The following ADIRF variants were observed in gnomAD, a reference collection of about 807,000 sequenced individuals.
The protein encoded by ADIRF is adipogenesis regulatory factor.
In ADIRF, 9 loss-of-function variants were observed where a neutral mutation model predicts 7.8. The observed-to-expected ratio is 1.15, with a 90% confidence interval of 0.70 to 2.01. The LOEUF is 2.01. Ranked by LOEUF, ADIRF falls within the 30% of genes most tolerant of loss-of-function variation. ADIRF has a pLI of 0.00. For synonymous variants in ADIRF, 48 were observed against 39.9 expected (o/e 1.20, Z -0.77); for missense variants, 106 against 98.1 (o/e 1.08, Z -0.34).
In ADIRF at chr10:86,970,637, C is replaced by G; in HGVS notation, c.*55C>G. The G allele has an allele frequency of 6.9e-7, 1 of 1,454,818 alleles. No homozygotes were observed. The highest frequency in any genetic ancestry group is 9.5e-7 in the Non-Finnish European group (1 of 1,054,506). The allele number at this position is 1,454,818 out of a possible 1,614,324, so 90.1% of individuals were successfully genotyped here. On this transcript the variant is annotated 3_prime_UTR_variant, in exon 3 of 3. Coordinates refer to ENST00000372013, the MANE Select transcript of ADIRF (RefSeq NM_006829.3). ...AATGACAGCAGGGAGACTTGGGTGA[C>G]CCCCCTTCCAGGCGCCATCTAGCAC...
At chr10:86,970,175 TA>T (rs1345824551) in intron 1 of ADIRF, 24 bp from the exon 2 acceptor site, 2 of 1,435,292 alleles carry the variant, frequency 1.4e-6, no homozygotes, top group Admixed American at 5.8e-5. Flanking sequence ...CAACAGGGGC[TA>T]AAAGCCACAT....
chr10:86,968,816 G>C (rs1039345713), intron 1 of ADIRF: 2 of 546,246 alleles, frequency 3.7e-6, no homozygotes, highest in African/African-American at 4.0e-5. Context: ...CAGAGGCTCC[G>C]GAGGAGCCGG....
intron 1 of ADIRF, 156 bp from the exon 2 acceptor site, chr10:86,970,044 T>C (rs567122653): frequency 1.2e-5 from 7 of 593,766 alleles, no homozygotes; most frequent in African/African-American, 1.1e-4. Context: ...CCCCTCGGGC[T>C]GGGGGGCCCT....
chr10:86,970,749 G>A lies in ADIRF; in HGVS notation c.*167G>A. ...CGTTCCCACCCTGTGTCCACTTCAT[G>A]ATTCCTCGCAAGCTGGGCCCAGTCC... On this transcript the variant is annotated 3_prime_UTR_variant, in exon 3 of 3. Transcript: ENST00000372013. The A allele has an allele frequency of 2.9e-6, 2 of 698,218 alleles. No homozygotes were observed. Among genetic ancestry groups the A allele is most frequent in the Non-Finnish European group, 5.2e-6 (2 of 385,518 alleles). The allele number at this position is 698,218 out of a possible 1,614,324, so 43.3% of individuals were successfully genotyped here.
chr10:86,970,040 G>A (rs548872092), intron 1 of ADIRF, 160 bp from the exon 2 acceptor site: 31 of 558,354 alleles, frequency 5.6e-5, no homozygotes, highest in East Asian at 2.4e-4. Context: ...CCTGCCCCTC[G>A]GGCTGGGGGG....
At chr10:86,968,754 G>A in intron 1 of ADIRF, 149 bp downstream of exon 1, 1 of 824,426 alleles carries the variant, frequency 1.2e-6, no homozygotes, top group Non-Finnish European at 1.8e-6. Context: ...GGGGCAGGCA[G>A]AACGCCCACC....
At chr10:86,970,429 G>A (rs1347733326) in intron 2 of ADIRF, 47 bp from the exon 3 acceptor site, 2 of 1,560,486 alleles carry the variant, frequency 1.3e-6, no homozygotes, top group African/African-American at 2.7e-5. Flanking sequence ...CAGGCACTGT[G>A]GTTCCCGGGC....
Position 86,970,660 on chromosome 10 carries a change from C to A in ADIRF, c.*78C>A. 8.2e-7 allele frequency: 1 copy of A among 1,226,932 alleles called. No individual in the cohort carries two copies. Among genetic ancestry groups the A allele is most frequent in the Non-Finnish European group, 1.2e-6 (1 of 850,416 alleles). 76.0% of individuals were successfully genotyped at this position (1,226,932 alleles called of 1,614,324 possible). On this transcript the variant is annotated 3_prime_UTR_variant, in exon 3 of 3. Transcript: ENST00000372013. ...GACCCCCCTTCCAGGCGCCATCTAG[C>A]ACAGCCTGGCCCTGATCTCCGGGCA...
Position 86,970,464 on chromosome 10 carries a change from G to C in ADIRF, c.125-12G>C, listed in dbSNP as rs748482571. The C allele has an allele frequency of 6.2e-7, 1 of 1,608,780 alleles. No individual in the cohort carries two copies. The highest frequency in any genetic ancestry group is 1.7e-5 in the Admixed American group (1 of 59,450). The stretch of plus-strand genomic sequence containing the variant: ...CCCTGCCTGACCTGCCCTCTCTCCC[G>C]CCCTTCCCCAGCCATGGACCAGCTG... On this transcript the variant is annotated splice_polypyrimidine_tract_variant and intron_variant, in intron 2 of 2. Coordinates refer to ENST00000372013, the MANE Select transcript of ADIRF (RefSeq NM_006829.3).
rs779522585 is a variant in ADIRF, at chr10:86,970,240, G to C, written c.102G>C (p.Gln34His). The change falls in exon 2 of 3, where the codon CAG becomes CAC. Residue 34 changes from glutamine (Q) to histidine (H), a missense_variant. Gln to His is a conservative substitution (Grantham distance 24). Transcript: ENST00000372013. ...CGGCAGCTCAGCAAGTGGTGGACCAGGCCACAGAGGCGGGGCAGAAAGGTC... is the reference window on the plus strand; with the variant it reads ...CGGCAGCTCAGCAAGTGGTGGACCACGCCACAGAGGCGGGGCAGAAAGGTC... ...AGAAAQQVVD[Q>H]ATEAGQKAMD... The C allele has an allele frequency of 2.7e-6, 4 of 1,461,986 alleles. No homozygotes were observed. The highest frequency in any genetic ancestry group is 5.5e-5 in the Admixed American group (2 of 36,610). 90.6% of individuals were successfully genotyped at this position (1,461,986 alleles called of 1,614,324 possible). A position where few individuals can be genotyped will look rare whatever the true frequency, so the allele number is the denominator to read the frequency against.
At position 86,970,854 on chromosome 10, in the gene ADIRF, T is replaced by G. The variant is rs530079518; in HGVS notation, c.*272T>G. On this transcript the variant is annotated 3_prime_UTR_variant, in exon 3 of 3. Coordinates refer to ENST00000372013, the MANE Select transcript of ADIRF (RefSeq NM_006829.3). ...AAATCCAATCCAACGGTCTCAGGAATGTTTTCCATCCCGCCACGCGCCTCC... is the reference window on the plus strand; with the variant it reads ...AAATCCAATCCAACGGTCTCAGGAAGGTTTTCCATCCCGCCACGCGCCTCC... The G allele has an allele frequency of 1.5e-5, 8 of 526,802 alleles. No individual in the cohort carries two copies. Among genetic ancestry groups the G allele is most frequent in the South Asian group, 1.2e-4 (8 of 65,138 alleles). The allele number at this position is 526,802 out of a possible 1,614,324, so 32.6% of individuals were successfully genotyped here.
At position 86,970,903 on chromosome 10, in the gene ADIRF, A is replaced by G; in HGVS notation, c.*321A>G. ...CCCGAAGCTCCCAGACCGGAGGCTC[A>G]GCCCCCATCTCGGTTAGTGCCCCTC... On this transcript the variant is annotated 3_prime_UTR_variant, in exon 3 of 3. Transcript: ENST00000372013. 2.2e-6 allele frequency: 1 copy of G among 449,220 alleles called. No individual in the cohort carries two copies. The highest frequency in any genetic ancestry group is 2.4e-5 in the Admixed American group (1 of 41,834). The allele number at this position is 449,220 out of a possible 1,614,324, so 27.8% of individuals were successfully genotyped here. A position where few individuals can be genotyped will look rare whatever the true frequency, so the allele number is the denominator to read the frequency against.
chr10:86,970,349 C>T (rs2279602), intron 2 of ADIRF, 87 bp downstream of exon 2: 809,478 of 1,507,712 alleles, frequency 0.54, 222,165 homozygotes, highest in East Asian at 0.79. Context: ...CACATCCTCT[C>T]CTCTGCAGAG....
At position 86,968,521 on chromosome 10, in the gene ADIRF, C is replaced by G. The variant is rs781226498; in HGVS notation, c.-24C>G. 1.5e-5 allele frequency: 25 copies of G among 1,613,024 alleles called. No individual in the cohort carries two copies. The Middle Eastern group carries it at 8.2e-4, about 53-fold the overall frequency. ...CCAACGTCGCTCCAGCTGCTCTTGA[C>G]GACTCCACAGATACCCCGAAGCCAT... On this transcript the variant is annotated 5_prime_UTR_variant, in exon 1 of 3. Coordinates refer to ENST00000372013, the MANE Select transcript of ADIRF (RefSeq NM_006829.3).
chr10:86,970,634 T>TC lies in ADIRF; in HGVS notation c.*52_*53insC. The TC allele has an allele frequency of 2.7e-6, 4 of 1,472,796 alleles. No homozygotes were observed. The highest frequency in any genetic ancestry group is 2.4e-5 in the South Asian group (2 of 83,446). 91.2% of individuals were successfully genotyped at this position (1,472,796 alleles called of 1,614,324 possible). ...TGAAATGACAGCAGGGAGACTTGGG[T>TC]GACCCCCCTTCCAGGCGCCATCTAG... is the stretch of plus-strand genomic sequence containing the variant. On this transcript the variant is annotated 3_prime_UTR_variant, in exon 3 of 3. Coordinates refer to ENST00000372013, the MANE Select transcript of ADIRF (RefSeq NM_006829.3).
At chr10:86,969,961 TCCTCCC>T in intron 1 of ADIRF, 1 of 348,140 alleles carries the variant, frequency 2.9e-6, no homozygotes, top group East Asian at 4.3e-5. Context: ...AAAGGGAAGC[TCCTCCC>T]CCACAGAGAA....
chr10:86,968,780 A>C, intron 1 of ADIRF, 175 bp downstream of exon 1: 1 of 650,154 alleles, frequency 1.5e-6, no homozygotes. Flanking sequence ...GAGCAGACAG[A>C]TGGTGCCCGC....
intron 1 of ADIRF, chr10:86,969,050 C>A (rs77445697): frequency 6.1e-6 from 1 of 164,878 alleles, no homozygotes. Flanking sequence ...ACCTTTAAGT[C>A]CCCACCTGGC....
chr10:86,970,017 C>A (rs1844551709), intron 1 of ADIRF, 183 bp from the exon 2 acceptor site: 2 of 440,166 alleles, frequency 4.5e-6, no homozygotes. Flanking sequence ...ATCCCAGAGG[C>A]ATGGAAAGGT....
Sources: allele counts gnomAD v4.1 joint callset, GRCh38; gene constraint gnomAD v4.1.1; transcripts MANE v1.5; gene names NCBI Gene and HGNC (gene_info 2026-07-23, HGNC 2026-07-21).